The following COL19A1 variants were observed in gnomAD, a reference collection of about 807,000 sequenced individuals.
COL19A1 encodes the protein collagen type XIX alpha 1 chain.
In COL19A1, 159 loss-of-function variants were observed where a neutral mutation model predicts 190.2. The ratio of observed to expected loss-of-function variants is 0.84; its 90% confidence interval spans 0.73 to 0.95. The LOEUF (loss-of-function observed/expected upper bound fraction) is 0.95. Among genes scored for constraint, COL19A1 ranks in the 40% least tolerant of loss-of-function variants. The pLI, the probability that COL19A1 is intolerant of heterozygous loss-of-function variation, is 0.00. For missense variants in COL19A1, 1,418 were observed against 1,431.9 expected (o/e 0.99, Z 0.16); for synonymous variants, 509 against 458.9 (o/e 1.11, Z -1.39).
intron 4 of COL19A1, among the ~76,000 whole-genome samples, chr6:69,919,342 G>T (rs1771540676): frequency 6.6e-6 from 1 of 152,142 alleles, no homozygotes; most frequent in Admixed American, 6.5e-5. Flanking sequence ...TTTCCAGACA[G>T]GAAGAAAGCT....
intron 1 of COL19A1, among the ~76,000 whole-genome samples, 196 bp downstream of exon 1, chr6:69,866,836 T>C (rs1767474338): frequency 6.6e-6 from 1 of 152,210 alleles, no homozygotes; most frequent in African/African-American, 2.4e-5. Context: ...GCCTTAAGGA[T>C]GGGACCAAAA....
chr6:70,106,090 A>G (rs138510864), intron 16 of COL19A1, among the ~76,000 whole-genome samples: 1 of 152,262 alleles, frequency 6.6e-6, no homozygotes, highest in Non-Finnish European at 1.5e-5. Context: ...ATGTTTCTGA[A>G]ATCAAACATA....
chr6:69,889,810 T>G (rs568690149), intron 2 of COL19A1: 1 of 152,352 alleles, frequency 6.6e-6, no homozygotes, highest in South Asian at 2.1e-4. Context: ...CAGCAGGATG[T>G]GGGTGGGGAA....
intron 11 of COL19A1, among the ~76,000 whole-genome samples, chr6:70,022,051 A>G (rs1389433847): frequency 1.3e-5 from 2 of 152,164 alleles, no homozygotes; most frequent in African/African-American, 4.8e-5. Context: ...AATAATACAT[A>G]TCCTTAGGCA....
chr6:70,045,007 C>A (rs111551108), intron 14 of COL19A1, among the ~76,000 whole-genome samples: 1 of 151,976 alleles, frequency 6.6e-6, no homozygotes, highest in Non-Finnish European at 1.5e-5. Flanking sequence ...CTTGGGAATA[C>A]TTTTAATAGC....
intron 20 of COL19A1, 122 bp downstream of exon 20, chr6:70,141,111 T>C: frequency 1.2e-6 from 1 of 835,694 alleles, no homozygotes; most frequent in Non-Finnish European, 1.9e-6. Flanking sequence ...ATGAGCATTT[T>C]ACTTTTTCCT....
chr6:69,928,206 A>T (rs1772521915), intron 5 of COL19A1, among the ~76,000 whole-genome samples, 174 bp downstream of exon 5: 2 of 151,972 alleles, frequency 1.3e-5, no homozygotes. Context: ...GGCCTTGCTG[A>T]GATCCATAAT....
At chr6:70,033,839 T>C (rs1358010811) in intron 12 of COL19A1, among the ~76,000 whole-genome samples, 3 of 152,170 alleles carry the variant, frequency 2.0e-5, no homozygotes, top group African/African-American at 7.2e-5. Flanking sequence ...CATAAAAATG[T>C]TTTTGATTTT....
intron 11 of COL19A1, among the ~76,000 whole-genome samples, chr6:69,993,582 G>A (rs1252650140): frequency 6.6e-6 from 1 of 151,976 alleles, no homozygotes; most frequent in Non-Finnish European, 1.5e-5. Flanking sequence ...GATCTACCTG[G>A]CCCAGGGCTT....
At chr6:69,888,220 T>C (rs562155797) in intron 2 of COL19A1, among the ~76,000 whole-genome samples, 1 of 152,042 alleles carries the variant, frequency 6.6e-6, no homozygotes, top group Non-Finnish European at 1.5e-5. Context: ...AGAAAACACG[T>C]ATCAAAATGA....
At position 69,929,709 on chromosome 6, in the gene COL19A1, T is replaced by C. The variant is rs972981570; in HGVS notation, c.666+9T>C. On this transcript the variant is annotated intron_variant, in intron 6 of 50. Coordinates refer to ENST00000620364, the MANE Select transcript of COL19A1 (RefSeq NM_001858.6). Reference sequence around the variant, plus strand: ...ATGGCAAGCCTGTGGATGTAAGTTGTGATGTTAGTTGTGAAAGAGAACTAA... The same window carrying C: ...ATGGCAAGCCTGTGGATGTAAGTTGCGATGTTAGTTGTGAAAGAGAACTAA... 41 of 1,580,014 alleles carry C rather than the reference T, an allele frequency of 2.6e-5. No individual in the cohort carries two copies. The highest frequency in any genetic ancestry group is 3.3e-5 in the Non-Finnish European group (38 of 1,166,568).
At chr6:70,117,977 G>A (rs1241559435) in intron 16 of COL19A1, among the ~76,000 whole-genome samples, 2 of 152,190 alleles carry the variant, frequency 1.3e-5, no homozygotes, top group Admixed American at 6.5e-5. Context: ...CACTGGACCT[G>A]GGTCATCTAA....
intron 46 of COL19A1, among the ~76,000 whole-genome samples, chr6:70,186,339 T>C (rs990993263): frequency 2.7e-4 from 41 of 152,204 alleles, no homozygotes; most frequent in African/African-American, 9.7e-4. Context: ...TGTGCTAATA[T>C]TTTTTCTTGT....
At chr6:70,037,128 A>T (rs1582746296) in intron 14 of COL19A1, among the ~76,000 whole-genome samples, 1 of 152,006 alleles carries the variant, frequency 6.6e-6, no homozygotes, top group African/African-American at 2.4e-5. Context: ...AGTGCATATT[A>T]TTCAGTTTTT....
At position 70,199,740 on chromosome 6, in the gene COL19A1, A is replaced by C. The variant is rs956077831; in HGVS notation, c.3223+4A>C. 5 of 1,601,018 alleles carry C rather than the reference A, an allele frequency of 3.1e-6. No homozygotes were observed. In the Admixed American group the frequency reaches 8.6e-5, roughly 28 times the overall value. ...CCAGGAGACCCTGGACCCCAAGGTA[A>C]GTCTTCAAGTGTAATATTGGCTTAT... On this transcript the variant is annotated splice_donor_region_variant and intron_variant, in intron 49 of 50. Transcript: ENST00000620364.
Position 69,928,167 on chromosome 6 carries a change from GAA to G in COL19A1, c.390+138_390+139del, listed in dbSNP as rs1772520176. 8 of 1,120,286 alleles carry G rather than the reference GAA, an allele frequency of 7.1e-6. No individual in the cohort carries two copies. In the South Asian group the frequency reaches 1.4e-4, roughly 19 times the overall value. 69.4% of individuals were successfully genotyped at this position (1,120,286 alleles called of 1,614,324 possible). A position where few individuals can be genotyped will look rare whatever the true frequency, so the allele number is the denominator to read the frequency against. On this transcript the variant is annotated intron_variant, in intron 5 of 50. Coordinates refer to ENST00000620364, the MANE Select transcript of COL19A1 (RefSeq NM_001858.6). ...TATCCTTTAGAGGGATCATCAACAA[GAA>G]AATGCAAGTATTCTCGTAGTTAGGA...
chr6:70,044,343 T>A (rs1350143528), intron 14 of COL19A1, among the ~76,000 whole-genome samples: 2 of 152,218 alleles, frequency 1.3e-5, no homozygotes, highest in Non-Finnish European at 2.9e-5. Context: ...GCACATTTAA[T>A]TTCCTTCAAG....
intron 12 of COL19A1, among the ~76,000 whole-genome samples, chr6:70,030,910 C>T (rs1388371333): frequency 6.6e-6 from 1 of 152,218 alleles, no homozygotes; most frequent in African/African-American, 2.4e-5. Flanking sequence ...CCTGGAAAAG[C>T]TGTCATAGCC....
intron 15 of COL19A1, among the ~76,000 whole-genome samples, chr6:70,092,954 T>A (rs1402783832): frequency 6.6e-6 from 1 of 152,218 alleles, no homozygotes; most frequent in East Asian, 1.9e-4. Context: ...AGTTTGTAGA[T>A]GAACTTCACT....
Sources: gnomAD v4.1 joint callset for allele counts (sites outside exome capture counted in the v4.1 genomes callset) on GRCh38, gnomAD v4.1.1 for gene constraint, MANE v1.5 for transcripts, NCBI Gene and HGNC (gene_info 2026-07-23, HGNC 2026-07-21) for gene names.